The following NOS1 variants were observed in gnomAD, a reference collection of about 807,000 sequenced individuals.
NOS1 encodes nitric oxide synthase 1.
NOS1 carries 51 observed loss-of-function variants against 164.5 expected under a neutral mutation model. That is an observed-to-expected ratio of 0.31 (90% confidence interval 0.25 to 0.39). The LOEUF (loss-of-function observed/expected upper bound fraction) is 0.39. NOS1 is among the 10% of genes least tolerant of loss of function. NOS1 has a pLI of 1.00. For missense variants in NOS1, 1,362 were observed against 1,885.6 expected (o/e 0.72, Z 5.14); for synonymous variants, 719 against 745.8 (o/e 0.96, Z 0.59).
At chr12:117,221,852 G>T (rs534426969) in intron 26 of NOS1, among the ~76,000 whole-genome samples, 2 of 141,440 alleles carry the variant, frequency 1.4e-5, no homozygotes, top group Admixed American at 7.3e-5. Context: ...TAAGGACAGG[G>T]TCTCAGTATG....
At chr12:117,343,951 A>T (rs1384744426) in intron 1 of NOS1, among the ~76,000 whole-genome samples, 1 of 152,260 alleles carries the variant, frequency 6.6e-6, no homozygotes, top group African/African-American at 2.4e-5. Context: ...ATTTCAGTAA[A>T]GGGAAAACAT....
chr12:117,306,307 C>T (rs989311199), intron 3 of NOS1, among the ~76,000 whole-genome samples: 6 of 152,144 alleles, frequency 3.9e-5, no homozygotes, highest in East Asian at 1.9e-4. Context: ...TCCAAGCAAA[C>T]GGAATTTCTA....
chr12:117,259,712 G>A (rs1871733997), intron 14 of NOS1, among the ~76,000 whole-genome samples: 1 of 152,112 alleles, frequency 6.6e-6, no homozygotes, highest in Admixed American at 6.6e-5. Flanking sequence ...GAAAACAAGC[G>A]ATCCACGATC....
At chr12:117,228,925 G>T (rs570394603) in intron 22 of NOS1, among the ~76,000 whole-genome samples, 4 of 152,066 alleles carry the variant, frequency 2.6e-5, no homozygotes, top group Admixed American at 6.6e-5. Context: ...GGGACTACCG[G>T]TGCCCGCCAC....
chr12:117,258,429 C>A lies in NOS1; in HGVS notation c.2499G>T (p.Met833Ile). ...GEKFGCALMEMRHPNSVQEER... is the reference protein window; with the variant it reads ...GEKFGCALMEIRHPNSVQEER... ...CTTCCTGCACAGAGTTGGGGTGCCTCATTTCCATCAAAGCACAGCCGAATT... is the reference window on the plus strand; with the variant it reads ...CTTCCTGCACAGAGTTGGGGTGCCTAATTTCCATCAAAGCACAGCCGAATT... Residue 833 changes from methionine (M) to isoleucine (I), a missense_variant, in exon 16 of 29, where the codon ATG becomes ATT. Physicochemically the swap from Met to Ile is conservative, Grantham distance 10. This residue lies in a region of NOS1 where 737 missense variants were observed against 1,030.3 expected (regional missense o/e 0.72). Transcript: ENST00000317775. 6.2e-7 allele frequency: 1 copy of A among 1,614,164 alleles called. No individual in the cohort carries two copies. Among genetic ancestry groups the A allele is most frequent in the East Asian group, 2.2e-5 (1 of 44,880 alleles).
At chr12:117,294,246 T>TG (rs1362505132) in intron 3 of NOS1, among the ~76,000 whole-genome samples, 1 of 152,034 alleles carries the variant, frequency 6.6e-6, no homozygotes, top group Non-Finnish European at 1.5e-5. Context: ...ACATCGGGTC[T>TG]GGGCCCAGGA....
chr12:117,321,914 C>A (rs1267897591), intron 2 of NOS1, among the ~76,000 whole-genome samples: 1 of 150,900 alleles, frequency 6.6e-6, no homozygotes, highest in Non-Finnish European at 1.5e-5. Context: ...CCTTCCTTCC[C>A]TCCCTCCCTC....
chr12:117,328,188 T>C (rs1875348743), intron 2 of NOS1, among the ~76,000 whole-genome samples: 1 of 152,066 alleles, frequency 6.6e-6, no homozygotes, highest in South Asian at 2.1e-4. Context: ...TAATTAATTA[T>C]GAGATGGAGT....
chr12:117,352,917 G>C (rs1295956583), intron 1 of NOS1, among the ~76,000 whole-genome samples: 5 of 152,126 alleles, frequency 3.3e-5, no homozygotes, highest in Non-Finnish European at 7.4e-5. Flanking sequence ...AAATGTAAAA[G>C]AATGGTGTAA....
At chr12:117,262,834 C>T (rs1872048716) in intron 13 of NOS1, among the ~76,000 whole-genome samples, 1 of 152,122 alleles carries the variant, frequency 6.6e-6, no homozygotes, top group Non-Finnish European at 1.5e-5. Context: ...TACTTGTCAG[C>T]TGGTCCTCTG....
rs1191821053 is a variant in NOS1, at chr12:117,250,984, G to A, written c.2648+2654C>T. ...AGCTCATCACTCCTATGGTCTGAAT[G>A]TTTGTGTCTCCCCCAGATTCATAGG... On this transcript the variant is annotated intron_variant, in intron 17 of 28. Coordinates refer to ENST00000317775, the MANE Select transcript of NOS1 (RefSeq NM_000620.5). Among the ~76,000 whole-genome samples, 7 of 152,298 alleles carry A rather than the reference G, an allele frequency of 4.6e-5. No homozygotes were observed. The East Asian group carries it at 1.2e-3, about 25-fold the overall frequency.
In NOS1 at chr12:117,268,076, C is replaced by T. The variant is rs1384344268; in HGVS notation, c.1908G>A (p.Val636=). ...TSSLWKDQAL[V]EINIAVLYSF... The stretch of plus-strand genomic sequence containing the variant: ...TATAGAGAACCGCGATATTGATCTC[C>T]ACCAGCGCCTGGTCCTTCCACAGGG... Residue 636 remains valine (V), a synonymous_variant, in exon 11 of 29, where the codon GTG becomes GTA. Transcript: ENST00000317775. 1 of 1,614,058 alleles carries T rather than the reference C, an allele frequency of 6.2e-7. No individual in the cohort carries two copies. The highest frequency in any genetic ancestry group is 8.5e-7 in the Non-Finnish European group (1 of 1,179,954).
Position 117,234,424 on chromosome 12 carries a change from T to A in NOS1, c.3235+141A>T. The A allele has an allele frequency of 1.2e-6, 1 of 809,736 alleles. No individual in the cohort carries two copies. The highest frequency in any genetic ancestry group is 1.9e-6 in the Non-Finnish European group (1 of 528,670). 50.2% of individuals were successfully genotyped at this position (809,736 alleles called of 1,614,324 possible). A position where few individuals can be genotyped will look rare whatever the true frequency, so the allele number is the denominator to read the frequency against. ...TGATCAGTCATGAGAAAGGGGGATATCTTTAGTCTCATAGGCTGTTAGCAA... is the reference window on the plus strand; with the variant it reads ...TGATCAGTCATGAGAAAGGGGGATAACTTTAGTCTCATAGGCTGTTAGCAA... On this transcript the variant is annotated intron_variant, in intron 21 of 28. Coordinates refer to ENST00000317775, the MANE Select transcript of NOS1 (RefSeq NM_000620.5). The surrounding 1 kb of genome is among the most constrained non-coding windows in gnomAD (Gnocchi z 4.3).
At chr12:117,269,817 T>C (rs1303406678) in intron 10 of NOS1, among the ~76,000 whole-genome samples, 1 of 152,208 alleles carries the variant, frequency 6.6e-6, no homozygotes, top group Non-Finnish European at 1.5e-5. Context: ...ATCTGCTTTC[T>C]AGCAGGAAAA....
Position 117,214,638 on chromosome 12 carries a change from A to G in NOS1, c.*671T>C. On this transcript the variant is annotated 3_prime_UTR_variant, in exon 29 of 29. Transcript: ENST00000317775. ...TCCCACTCCTCTCCCCATGCCCTGA[A>G]CCCTTTCTAACTAGAACAATTATGG... is the stretch of plus-strand genomic sequence containing the variant. 1 of 985,288 alleles carries G rather than the reference A, an allele frequency of 1.0e-6. No individual in the cohort carries two copies. Among genetic ancestry groups the G allele is most frequent in the Non-Finnish European group, 1.2e-6 (1 of 829,912 alleles). 61.0% of individuals were successfully genotyped at this position (985,288 alleles called of 1,614,324 possible). A position where few individuals can be genotyped will look rare whatever the true frequency, so the allele number is the denominator to read the frequency against.
intron 17 of NOS1, among the ~76,000 whole-genome samples, chr12:117,252,471 G>A (rs1381766145): frequency 1.3e-5 from 2 of 152,302 alleles, no homozygotes; most frequent in East Asian, 1.9e-4. Context: ...CAGAACTGAC[G>A]TTTCAGTGTT....
intron 20 of NOS1, 32 bp downstream of exon 20, chr12:117,242,595 G>A (rs764568306): frequency 6.2e-5 from 98 of 1,574,606 alleles, no homozygotes; most frequent in African/African-American, 2.0e-4. Context: ...GGGAGAAGAC[G>A]TAGGTAACCC....
chr12:117,319,990 G>A (rs973085861), intron 2 of NOS1, among the ~76,000 whole-genome samples: 8 of 152,196 alleles, frequency 5.3e-5, no homozygotes, highest in East Asian at 1.9e-4. Flanking sequence ...CCTAAAGTAC[G>A]TAGCTGGTGA....
intron 2 of NOS1, among the ~76,000 whole-genome samples, chr12:117,321,009 C>CTATT (rs779024302): frequency 2.6e-5 from 4 of 151,996 alleles, no homozygotes; most frequent in Admixed American, 6.6e-5. Flanking sequence ...TTGCATGTGT[C>CTATT]TATTTATTTA....
Sources: allele counts gnomAD v4.1 joint callset (sites outside exome capture counted in the v4.1 genomes callset), GRCh38; gene constraint gnomAD v4.1.1; regional missense constraint gnomAD v4.1.1; non-coding constraint Gnocchi (gnomAD v3.1); transcripts MANE v1.5; gene names NCBI Gene and HGNC (gene_info 2026-07-23, HGNC 2026-07-21).